Variants in ARID5B observed in about 807,000 individuals in gnomAD.
The protein encoded by ARID5B is AT-rich interactive domain-containing protein 5B.
Under a neutral mutation model 97.2 loss-of-function variants are expected in ARID5B, and 13 were observed. The observed-to-expected ratio is 0.13, with a 90% CI of 0.09 to 0.21. The LOEUF is 0.21. Among genes scored for constraint, ARID5B ranks in the 10% least tolerant of loss-of-function variants. The pLI is 1.00. For missense variants in ARID5B, 1,210 were observed against 1,465.3 expected, an observed-to-expected ratio of 0.83 and a Z score of 2.84; for synonymous variants, 556 against 570.3, an observed-to-expected ratio of 0.97 and a Z score of 0.36.
Position 61,934,732 on chromosome 10 carries a change from C to T in ARID5B, c.277-5451C>T, listed in dbSNP as rs561897350. ...AATAGTAATATTAAAGATCACTGAT[C>T]GGCTGGGTGCGGTGGCTCACACCTG... On this transcript the variant is annotated intron_variant, in intron 2 of 9. Coordinates refer to ENST00000279873, the MANE Select transcript of ARID5B (RefSeq NM_032199.3). Among the ~76,000 whole-genome samples, 398 of 152,082 alleles carry T rather than the reference C, an allele frequency of 2.6e-3. 1 individual carries two copies. Among genetic ancestry groups the T allele is most frequent in the Non-Finnish European group, 4.0e-3 (272 of 67,962 alleles).
intron 3 of ARID5B, among the ~76,000 whole-genome samples, chr10:61,981,335 G>T (rs1266613500): frequency 6.6e-6 from 1 of 152,142 alleles, no homozygotes; most frequent in African/African-American, 2.4e-5. Flanking sequence ...AGGCTGGAGT[G>T]CAGTGGCGCA....
At chr10:62,011,498 G>A (rs1298829866) in intron 4 of ARID5B, among the ~76,000 whole-genome samples, 1 of 152,222 alleles carries the variant, frequency 6.6e-6, no homozygotes, top group Non-Finnish European at 1.5e-5. Context: ...GCCCCAGGAA[G>A]TTGCCTTGCA....
At chr10:61,911,314 G>A (rs1843799773) in intron 2 of ARID5B, among the ~76,000 whole-genome samples, 1 of 152,132 alleles carries the variant, frequency 6.6e-6, no homozygotes, top group African/African-American at 2.4e-5. Context: ...AGATAAATTG[G>A]CTCTTTTTGT....
intron 4 of ARID5B, among the ~76,000 whole-genome samples, chr10:62,038,728 T>A (rs1839596314): frequency 6.6e-6 from 1 of 152,228 alleles, no homozygotes; most frequent in South Asian, 2.1e-4. Context: ...TTGTCATTTG[T>A]GGCTGTTTCT....
chr10:62,063,084 T>C (rs1839942728), intron 7 of ARID5B, among the ~76,000 whole-genome samples: 1 of 152,228 alleles, frequency 6.6e-6, no homozygotes, highest in South Asian at 2.1e-4. Flanking sequence ...CTGCCTTTTG[T>C]AGCATCTTTT....
At position 62,068,615 on chromosome 10, in the gene ARID5B, C is replaced by A. The variant is rs753792204; in HGVS notation, c.1102-1085C>A. Reference sequence around the variant, plus strand: ...CCTCGTGGGTATTTTTCAAAAGAAGCCTCCTGCTTGACTGTATTAAATTCC... The same window carrying A: ...CCTCGTGGGTATTTTTCAAAAGAAGACTCCTGCTTGACTGTATTAAATTCC... On this transcript the variant is annotated intron_variant, in intron 7 of 9. Transcript: ENST00000279873. Among the ~76,000 whole-genome samples, 4 of 151,882 alleles carry A rather than the reference C, an allele frequency of 2.6e-5. No individual in the cohort carries two copies. The South Asian group carries it at 8.3e-4, about 32-fold the overall frequency.
chr10:61,906,175 T>C (rs1843704328), intron 2 of ARID5B, among the ~76,000 whole-genome samples: 1 of 152,164 alleles, frequency 6.6e-6, no homozygotes, highest in South Asian at 2.1e-4. Context: ...AAAATAATTA[T>C]GATTATAGTG....
chr10:61,973,299 A>T (rs570703663), intron 3 of ARID5B, among the ~76,000 whole-genome samples: 1 of 152,228 alleles, frequency 6.6e-6, no homozygotes, highest in Non-Finnish European at 1.5e-5. Flanking sequence ...GAAAACTAGC[A>T]AAGTGATGGG....
intron 8 of ARID5B, among the ~76,000 whole-genome samples, chr10:62,077,835 A>G (rs911092488): frequency 6.6e-6 from 1 of 152,228 alleles, no homozygotes; most frequent in Admixed American, 6.5e-5. Context: ...CTGCACAAAC[A>G]TCTTTTCAGT....
At chr10:61,911,666 C>T (rs1485004224) in intron 2 of ARID5B, among the ~76,000 whole-genome samples, 2 of 152,156 alleles carry the variant, frequency 1.3e-5, no homozygotes, top group Non-Finnish European at 2.9e-5. Context: ...AGTTTTAACC[C>T]TGCAGAGCCT....
intron 2 of ARID5B, among the ~76,000 whole-genome samples, chr10:61,918,725 C>T (rs77968426): frequency 0.044 from 6,623 of 152,134 alleles, 182 homozygotes; most frequent in South Asian, 0.076. Flanking sequence ...TATTCTGTTC[C>T]ATGTAGATGT....
intron 4 of ARID5B, among the ~76,000 whole-genome samples, chr10:62,046,213 G>A (rs987962374): frequency 2.6e-5 from 4 of 152,182 alleles, no homozygotes; most frequent in Non-Finnish European, 4.4e-5. Context: ...AAAAAGAGAC[G>A]GTCATGACAG....
intron 2 of ARID5B, among the ~76,000 whole-genome samples, chr10:61,925,489 G>A (rs956595953): frequency 1.3e-5 from 2 of 152,034 alleles, no homozygotes; most frequent in Non-Finnish European, 2.9e-5. Flanking sequence ...TATTAATTTG[G>A]CCAGAGAAAA....
rs747798038 is a variant in ARID5B at position 62,092,479 on chromosome 10, A to T, written c.3016A>T (p.Ile1006Phe). ...GCACCGGAAAATGAGCCCGCAGAAC[A>T]TTGGGGCGGCGCGGCCGATCAAGCG... ...ILHRKMSPQNIGAARPIKRSL... is the reference protein window; with the variant it reads ...ILHRKMSPQNFGAARPIKRSL... The change falls in exon 10 of 10, where the codon ATT (isoleucine) becomes TTT (phenylalanine). Residue 1006 changes from isoleucine (I) to phenylalanine (F), a missense_variant. By Grantham distance (21) the Ile-to-Phe change is conservative (BLOSUM62 0). Around this residue, in one of 8 missense-constraint regions of ARID5B, gnomAD observed 800 missense variants for 839.1 expected, o/e 0.95. Transcript: ENST00000279873. 4.3e-6 allele frequency: 7 copies of T among 1,614,038 alleles called. No individual in the cohort carries two copies. The highest frequency in any genetic ancestry group is 5.9e-6 in the Non-Finnish European group (7 of 1,180,012).
chr10:61,951,524 A>G (rs541451560), intron 3 of ARID5B, among the ~76,000 whole-genome samples: 1 of 152,352 alleles, frequency 6.6e-6, no homozygotes, highest in East Asian at 1.9e-4. Context: ...CCTACGGGAT[A>G]AAATACAAAT....
At chr10:62,057,952 A>C (rs1839877974) in intron 6 of ARID5B, among the ~76,000 whole-genome samples, 2 of 152,136 alleles carry the variant, frequency 1.3e-5, no homozygotes, top group Non-Finnish European at 2.9e-5. Context: ...TCCTGCCTTG[A>C]TTTTGCAACC....
chr10:62,092,220 C>T lies in ARID5B; in HGVS notation c.2757C>T (p.Gly919=), dbSNP rs761348428. 7 of 1,611,088 alleles carry T rather than the reference C, an allele frequency of 4.3e-6. No homozygotes were observed. The highest frequency in any genetic ancestry group is 5.9e-6 in the Non-Finnish European group (7 of 1,178,780). ...CCAAGAACCCGCACAAACCTACCGGCAAGGTCCTGGGCCTGGCTCATTCCA... is the reference window on the plus strand; with the variant it reads ...CCAAGAACCCGCACAAACCTACCGGTAAGGTCCTGGGCCTGGCTCATTCCA... ...SLPKNPHKPT[G]KVLGLAHSTT... is the part of the protein sequence containing the mutation. Residue 919 remains glycine, a synonymous_variant, in exon 10 of 10, where the codon GGC becomes GGT. Coordinates refer to ENST00000279873, the MANE Select transcript of ARID5B (RefSeq NM_032199.3).
rs558553575 is a variant in ARID5B at position 62,066,390 on chromosome 10, T to C, written c.1102-3310T>C. Among the ~76,000 whole-genome samples, 10 of 152,346 alleles carry C rather than the reference T, an allele frequency of 6.6e-5. No individual in the cohort carries two copies. The South Asian group carries it at 2.1e-3, about 32-fold the overall frequency. ...ATTTAACAGTTGTGAAGGGCACATT[T>C]TATGACTTTCCCATGGAAAGAAAAT... is the stretch of plus-strand genomic sequence containing the variant. On this transcript the variant is annotated intron_variant, in intron 7 of 9. Coordinates refer to ENST00000279873, the MANE Select transcript of ARID5B (RefSeq NM_032199.3).
chr10:61,967,135 A>C (rs934023529), intron 3 of ARID5B, among the ~76,000 whole-genome samples: 4 of 152,090 alleles, frequency 2.6e-5, no homozygotes, highest in African/African-American at 7.2e-5. Flanking sequence ...CTCTTCACTC[A>C]CATACATTTG....
Sources: gnomAD v4.1 joint callset for allele counts (sites outside exome capture counted in the v4.1 genomes callset) on GRCh38, gnomAD v4.1.1 for gene constraint, gnomAD v4.1.1 regional missense constraint, MANE v1.5 for transcripts, NCBI Gene and HGNC (gene_info 2026-07-23, HGNC 2026-07-21) for gene names.